The following ACVR2B variants were observed in gnomAD, a reference collection of about 807,000 sequenced individuals.
ACVR2B encodes the protein activin receptor type-2B.
ACVR2B carries 18 observed loss-of-function variants against 65.1 expected under a neutral mutation model. The ratio of observed to expected loss-of-function variants is 0.28; its 90% CI spans 0.19 to 0.41. The LOEUF (loss-of-function observed/expected upper bound fraction) is 0.41, where lower values mean the gene tolerates loss of function less well. ACVR2B is among the 10% of genes least tolerant of loss of function. ACVR2B has a pLI of 1.00. For missense variants in ACVR2B, 482 were observed against 682.7 expected (o/e 0.71, Z 3.28); for synonymous variants, 298 against 277.7 (o/e 1.07, Z -0.73).
At chr3:38,471,431 C>T (rs1205610885) in intron 1 of ACVR2B, among the ~76,000 whole-genome samples, 1 of 139,990 alleles carries the variant, frequency 7.1e-6, no homozygotes, top group African/African-American at 2.5e-5. Flanking sequence ...CTTTGGAGAA[C>T]AGTTTAACAG....
chr3:38,482,597 G>A (rs778263926), intron 10 of ACVR2B, 37 bp downstream of exon 10: 1 of 1,602,540 alleles, frequency 6.2e-7, no homozygotes, highest in South Asian at 1.1e-5. Context: ...GCAGGGGGGT[G>A]GAGAAGGGAA....
At chr3:38,456,669 T>C (rs6808093) in intron 1 of ACVR2B, among the ~76,000 whole-genome samples, 78,596 of 151,922 alleles carry the variant, frequency 0.52, 21,451 homozygotes, top group Non-Finnish European at 0.61. Context: ...GGCTTGCAGA[T>C]ATCTGCCTTC....
Position 38,486,559 on chromosome 3 carries a change from ATAATTGG to A in ACVR2B, c.*3229_*3235del, listed in dbSNP as rs1323080539. On this transcript the variant is annotated 3_prime_UTR_variant, in exon 11 of 11. Coordinates refer to ENST00000352511, the MANE Select transcript of ACVR2B (RefSeq NM_001106.4). Reference sequence around the variant, plus strand: ...TGACATGCACTTTTGGTGGGCTCAGATAATTGGTTTCTTTTTGTTTTTGACCTCAGGC... The same window carrying A: ...TGACATGCACTTTTGGTGGGCTCAGATTTCTTTTTGTTTTTGACCTCAGGC... The A allele has an allele frequency of 6.6e-6, 1 of 152,098 alleles. No homozygotes were observed. Among genetic ancestry groups the A allele is most frequent in the Non-Finnish European group, 1.5e-5 (1 of 68,056 alleles). 9.4% of individuals were successfully genotyped at this position (152,098 alleles called of 1,614,324 possible).
chr3:38,464,974 C>G (rs930176810), intron 1 of ACVR2B, among the ~76,000 whole-genome samples: 1 of 152,050 alleles, frequency 6.6e-6, no homozygotes, highest in African/African-American at 2.4e-5. Context: ...TCCTAGGCCT[C>G]GAATTATCTC....
chr3:38,478,257 C>G lies in ACVR2B; in HGVS notation c.487C>G (p.Arg163Gly). ...VLLAFWMYRHRKPPYGHVDIH... is the reference protein window; with the variant it reads ...VLLAFWMYRHGKPPYGHVDIH... Reference sequence around the variant, plus strand: ...GCTGGCCTTTTGGATGTACCGGCATCGCAAGCCCCCCTACGGTCATGTGGA... The same window carrying G: ...GCTGGCCTTTTGGATGTACCGGCATGGCAAGCCCCCCTACGGTCATGTGGA... Residue 163 changes from arginine to glycine, a missense_variant, in exon 4 of 11, where the codon CGC becomes GGC. Physicochemically the swap from Arg to Gly is moderately radical, Grantham distance 125. This residue lies in a region of ACVR2B where 95 missense variants were observed against 91.6 expected (regional missense o/e 1.04). Coordinates refer to ENST00000352511, the MANE Select transcript of ACVR2B (RefSeq NM_001106.4). 6.2e-7 allele frequency: 1 copy of G among 1,614,066 alleles called. No individual in the cohort carries two copies. Among genetic ancestry groups the G allele is most frequent in the Non-Finnish European group, 8.5e-7 (1 of 1,180,010 alleles).
chr3:38,461,132 GCA>G (rs921253174), intron 1 of ACVR2B, among the ~76,000 whole-genome samples: 1 of 152,152 alleles, frequency 6.6e-6, no homozygotes, highest in African/African-American at 2.4e-5. Context: ...GTGCAGTGGC[GCA>G]CAGTGTTTTC....
At chr3:38,454,808 C>G (rs1173185442) in intron 1 of ACVR2B, 1 of 156,412 alleles carries the variant, frequency 6.4e-6, no homozygotes, top group Admixed American at 6.5e-5. Context: ...CCCTCAGAGT[C>G]ACTAAGTGTA....
chr3:38,476,006 G>C (rs1485073545), intron 1 of ACVR2B: 1 of 152,370 alleles, frequency 6.6e-6, no homozygotes, highest in African/African-American at 2.4e-5. Context: ...ATCCTCTCGG[G>C]TGTCTGTGTG....
Position 38,454,241 on chromosome 3 carries a change from G to T in ACVR2B, c.-82G>T. 2 of 1,041,178 alleles carry T rather than the reference G, an allele frequency of 1.9e-6. No homozygotes were observed. The highest frequency in any genetic ancestry group is 2.4e-6 in the Non-Finnish European group (2 of 833,420). The allele number at this position is 1,041,178 out of a possible 1,614,324, so 64.5% of individuals were successfully genotyped here. A position where few individuals can be genotyped will look rare whatever the true frequency, so the allele number is the denominator to read the frequency against. ...AAGGAGCGGGAAGGAGAGCGCAGCC[G>T]CCGCCTGGCCCTGCGCGCCCCGGGA... On this transcript the variant is annotated 5_prime_UTR_variant, in exon 1 of 11. Coordinates refer to ENST00000352511, the MANE Select transcript of ACVR2B (RefSeq NM_001106.4).
In ACVR2B at chr3:38,488,544, T is replaced by G. The variant is rs1710160264; in HGVS notation, c.*5212T>G. ...CATTTTGAATGTTTTATGTTTATTTTGGGTCCACTGTAAACTTTGGTTCAA... is the reference window on the plus strand; with the variant it reads ...CATTTTGAATGTTTTATGTTTATTTGGGGTCCACTGTAAACTTTGGTTCAA... On this transcript the variant is annotated 3_prime_UTR_variant, in exon 11 of 11. Coordinates refer to ENST00000352511, the MANE Select transcript of ACVR2B (RefSeq NM_001106.4). 6.6e-6 allele frequency: 1 copy of G among 152,194 alleles called. No homozygotes were observed. The allele number at this position is 152,194 out of a possible 1,614,324, so 9.4% of individuals were successfully genotyped here.
chr3:38,465,730 G>A (rs1281240483), intron 1 of ACVR2B, among the ~76,000 whole-genome samples: 2 of 152,198 alleles, frequency 1.3e-5, no homozygotes, highest in Non-Finnish European at 2.9e-5. Flanking sequence ...CAGAAGTAAA[G>A]GAGAGAGAAT....
At chr3:38,467,029 A>AAAT in intron 1 of ACVR2B, among the ~76,000 whole-genome samples, 1 of 152,218 alleles carries the variant, frequency 6.6e-6, no homozygotes, top group Non-Finnish European at 1.5e-5. Flanking sequence ...ATCAATTTAA[A>AAAT]TTGTTCTAAA....
rs545126199 is a variant in ACVR2B, at chr3:38,486,983, A to G, written c.*3651A>G. 1 of 152,328 alleles carries G rather than the reference A, an allele frequency of 6.6e-6. No individual in the cohort carries two copies. Among genetic ancestry groups the G allele is most frequent in the African/African-American group, 2.4e-5 (1 of 41,454 alleles). 9.4% of individuals were successfully genotyped at this position (152,328 alleles called of 1,614,324 possible). ...ATAAGCTGGGTTTTCTCCTGGGACC[A>G]TTGGTCCTCAGCAGGAGTTCTTTGC... is the stretch of plus-strand genomic sequence containing the variant. On this transcript the variant is annotated 3_prime_UTR_variant, in exon 11 of 11. Transcript: ENST00000352511.
At chr3:38,482,055 A>G (rs1051777780) in intron 8 of ACVR2B, 143 bp from the exon 9 acceptor site, 1 of 1,014,562 alleles carries the variant, frequency 9.9e-7, no homozygotes, top group Admixed American at 1.8e-5. Context: ...AATGTGGTGA[A>G]TCGAGGTTTG....
Position 38,482,027 on chromosome 3 carries a change from C to T in ACVR2B, c.1075-171C>T, listed in dbSNP as rs997977788. 3.9e-4 allele frequency among the ~76,000 whole-genome samples: 60 copies of T among 151,986 alleles called. 1 individual carries two copies. Among genetic ancestry groups the T allele is most frequent in the African/African-American group, 1.4e-3 (58 of 41,354 alleles). ...TAGCCAAGTATAATTGATGCTGTGA[C>T]CTCTTGTAACTGTTGTGAATGTGGT... On this transcript the variant is annotated intron_variant, in intron 8 of 10. Transcript: ENST00000352511.
chr3:38,483,815 C>T lies in ACVR2B; in HGVS notation c.*483C>T, dbSNP rs189885640. 123 of 153,840 alleles carry T rather than the reference C, an allele frequency of 8.0e-4. No individual in the cohort carries two copies. The highest frequency in any genetic ancestry group is 2.5e-3 in the South Asian group (12 of 4,854). 9.5% of individuals were successfully genotyped at this position (153,840 alleles called of 1,614,324 possible). A position where few individuals can be genotyped will look rare whatever the true frequency, so the allele number is the denominator to read the frequency against. On this transcript the variant is annotated 3_prime_UTR_variant, in exon 11 of 11. Coordinates refer to ENST00000352511, the MANE Select transcript of ACVR2B (RefSeq NM_001106.4). This position sits in a 1 kb window ranked among gnomAD's most constrained non-coding sequence, Gnocchi z 4.8. ...TCCTCAGAAGAGGAGTTTCCTCTGC[C>T]CTCTGCCCTTCTCCCCTGCCTCCCT...
rs1709504199 is a variant in ACVR2B at position 38,454,363 on chromosome 3, C to T, written c.41C>T (p.Ser14Leu). Residue 14 changes from serine to leucine, a missense_variant, in exon 1 of 11, where the codon TCG (serine) becomes TTG (leucine). Ser to Leu is a moderately radical substitution (Grantham distance 145, BLOSUM62 -2). This residue lies in a region of ACVR2B where 41 missense variants were observed against 38.2 expected (regional missense o/e 1.07). Transcript: ENST00000352511. ...GTGGCCCTCGCCCTCCTCTGGGGAT[C>T]GCTGTGCGCCGGTAAGAACTGGGCG... The part of the protein sequence containing the change: ...PWVALALLWG[S>L]LCAGSGRGEA... 3.1e-6 allele frequency: 4 copies of T among 1,278,360 alleles called. No homozygotes were observed. The highest frequency in any genetic ancestry group is 3.1e-5 in the African/African-American group (2 of 64,754). The allele number at this position is 1,278,360 out of a possible 1,614,324, so 79.2% of individuals were successfully genotyped here.
chr3:38,454,097 G>C lies in ACVR2B; in HGVS notation c.-226G>C, dbSNP rs1020724212. ...CGGCCCCCGCGTCGCCCCGGAGCCCGGGCCGCAGCCTGCGCCGCCCGCAGC... is the reference window on the plus strand; with the variant it reads ...CGGCCCCCGCGTCGCCCCGGAGCCCCGGCCGCAGCCTGCGCCGCCCGCAGC... On this transcript the variant is annotated 5_prime_UTR_variant, in exon 1 of 11. Coordinates refer to ENST00000352511, the MANE Select transcript of ACVR2B (RefSeq NM_001106.4). The C allele has an allele frequency of 6.2e-6, 1 of 161,146 alleles. No homozygotes were observed. Among genetic ancestry groups the C allele is most frequent in the Non-Finnish European group, 1.3e-5 (1 of 77,660 alleles). 10.0% of individuals were successfully genotyped at this position (161,146 alleles called of 1,614,324 possible).
Position 38,492,797 on chromosome 3 carries a change from C to T in ACVR2B, c.*9465C>T, listed in dbSNP as rs1228575408. On this transcript the variant is annotated 3_prime_UTR_variant, in exon 11 of 11. Coordinates refer to ENST00000352511, the MANE Select transcript of ACVR2B (RefSeq NM_001106.4). ...ACACACACACACACACACACACACACACACACATACACCTAAAATGGCCTA... is the reference window on the plus strand; with the variant it reads ...ACACACACACACACACACACACACATACACACATACACCTAAAATGGCCTA... 3.7e-5 allele frequency: 3 copies of T among 80,226 alleles called. No individual in the cohort carries two copies. The highest frequency in any genetic ancestry group is 1.7e-4 in the African/African-American group (3 of 18,006). The allele number at this position is 80,226 out of a possible 1,614,324, so 5.0% of individuals were successfully genotyped here. A position where few individuals can be genotyped will look rare whatever the true frequency, so the allele number is the denominator to read the frequency against.
Sources: gnomAD v4.1 joint callset for allele counts (sites outside exome capture counted in the v4.1 genomes callset) on GRCh38, gnomAD v4.1.1 for gene constraint, gnomAD v4.1.1 regional missense constraint, Gnocchi (gnomAD v3.1) non-coding constraint, MANE v1.5 for transcripts, NCBI Gene and HGNC (gene_info 2026-07-23, HGNC 2026-07-21) for gene names.